The following DZIP3 variants were observed in gnomAD, a reference collection of about 807,000 sequenced individuals.
The protein encoded by DZIP3 is DAZ interacting zinc finger protein 3, also known as E3 ubiquitin-protein ligase DZIP3.
In DZIP3, 118 loss-of-function variants were observed where a neutral mutation model predicts 162.0. The observed-to-expected ratio is 0.73, with a 90% CI of 0.63 to 0.85. The LOEUF (loss-of-function observed/expected upper bound fraction) is 0.85, where lower values mean the gene tolerates loss of function less well. DZIP3 is among the 40% of genes least tolerant of loss of function. The pLI, the probability that DZIP3 is intolerant of heterozygous loss-of-function variation, is 0.00. For synonymous variants in DZIP3, 438 were observed against 458.6 expected (o/e 0.96, Z 0.57); for missense variants, 1,331 against 1,407.0 (o/e 0.95, Z 0.86).
Position 108,605,427 on chromosome 3 carries a change from A to T in DZIP3, c.21A>T (p.Glu7Asp), listed in dbSNP as rs746539421. The T allele has an allele frequency of 6.2e-7, 1 of 1,613,324 alleles. No individual in the cohort carries two copies. Among genetic ancestry groups the T allele is most frequent in the South Asian group, 1.1e-5 (1 of 91,014 alleles). Reference sequence around the variant, plus strand: ...GCAGCATGGATTCTCTACCAGATGAATTTTTTGTGAGGTAAGGCCACAGTC... The same window carrying T: ...GCAGCATGGATTCTCTACCAGATGATTTTTTTGTGAGGTAAGGCCACAGTC... The part of the protein sequence containing the change: MDSLPD[E>D]FFVRHPAVED... Residue 7 changes from glutamate to aspartate, a missense_variant, in exon 2 of 33, where the codon GAA (glutamate) becomes GAT (aspartate). Physicochemically the swap from Glu to Asp is conservative, Grantham distance 45 (BLOSUM62 2). Coordinates refer to ENST00000361582, the MANE Select transcript of DZIP3 (RefSeq NM_014648.4).
intron 1 of DZIP3, chr3:108,603,054 C>T (rs1398351558): frequency 6.6e-6 from 1 of 152,092 alleles, no homozygotes; most frequent in Non-Finnish European, 1.5e-5. Context: ...GCCTTCTGTC[C>T]TCTCTTATCT....
At chr3:108,639,548 C>G (rs1942296110) in intron 12 of DZIP3, among the ~76,000 whole-genome samples, 1 of 152,164 alleles carries the variant, frequency 6.6e-6, no homozygotes, top group African/African-American at 2.4e-5. Flanking sequence ...ATTACTTCCA[C>G]TTATAGGATT....
At chr3:108,607,956 C>G in intron 2 of DZIP3, 133 bp from the exon 3 acceptor site, 1 of 733,074 alleles carries the variant, frequency 1.4e-6, no homozygotes, top group Non-Finnish European at 2.3e-6. Flanking sequence ...ATGGCACCTA[C>G]CACCATTACC....
chr3:108,660,136 C>T (rs191814384), intron 19 of DZIP3, among the ~76,000 whole-genome samples: 2 of 152,088 alleles, frequency 1.3e-5, no homozygotes, highest in Non-Finnish European at 2.9e-5. Context: ...TGGAAAAAAC[C>T]ACTTTAAAGT....
At chr3:108,688,967 A>T in intron 31 of DZIP3, 43 bp downstream of exon 31, 1 of 1,531,636 alleles carries the variant, frequency 6.5e-7, no homozygotes, top group South Asian at 1.1e-5. Flanking sequence ...AATGAGATTC[A>T]TACTGCCTTA....
intron 21 of DZIP3, among the ~76,000 whole-genome samples, chr3:108,667,397 C>T (rs1943729581): frequency 6.6e-6 from 1 of 152,010 alleles, no homozygotes; most frequent in Non-Finnish European, 1.5e-5. Flanking sequence ...GTTCCAAAAG[C>T]TTATATATGT....
At chr3:108,590,426 GGTTTT>G (rs1191225073) in intron 1 of DZIP3, among the ~76,000 whole-genome samples, 4 of 152,040 alleles carry the variant, frequency 2.6e-5, no homozygotes, top group African/African-American at 4.8e-5. Context: ...TTGGTGTTTT[GGTTTT>G]GTTTTTTATA....
chr3:108,634,565 G>A (rs1487495988), intron 9 of DZIP3, among the ~76,000 whole-genome samples: 2 of 151,846 alleles, frequency 1.3e-5, no homozygotes, highest in East Asian at 3.9e-4. Context: ...AAGATGGGTA[G>A]GTAGCATGTT....
At chr3:108,610,603 A>G (rs1250711781) in intron 3 of DZIP3, among the ~76,000 whole-genome samples, 1 of 152,226 alleles carries the variant, frequency 6.6e-6, no homozygotes, top group East Asian at 1.9e-4. Flanking sequence ...ACAGAGTATA[A>G]GAACTCTGGT....
chr3:108,602,229 C>T (rs74781573), intron 1 of DZIP3, among the ~76,000 whole-genome samples: 115 of 152,036 alleles, frequency 7.6e-4, no homozygotes, highest in Non-Finnish European at 1.1e-3. Flanking sequence ...CCTGCTTTGA[C>T]GTGAATAAAC....
intron 1 of DZIP3, among the ~76,000 whole-genome samples, chr3:108,591,301 TGTAAA>T (rs1018233614): frequency 3.9e-5 from 6 of 152,210 alleles, no homozygotes; most frequent in Non-Finnish European, 8.8e-5. Flanking sequence ...AATGAATTAA[TGTAAA>T]GTGTCAGCTG....
At chr3:108,605,561 A>C (rs1940303019) in intron 2 of DZIP3, 123 bp downstream of exon 2, 3 of 944,910 alleles carry the variant, frequency 3.2e-6, no homozygotes, top group African/African-American at 1.7e-5. Flanking sequence ...TCAGATCATC[A>C]GGCATTAGAT....
chr3:108,626,528 G>A (rs114615462), intron 7 of DZIP3, among the ~76,000 whole-genome samples: 1,614 of 152,256 alleles, frequency 0.011, 18 homozygotes, highest in Non-Finnish European at 0.014. Flanking sequence ...TTAAGAAAGT[G>A]AAATTGTATG....
At chr3:108,668,303 T>C (rs1458798877) in intron 21 of DZIP3, among the ~76,000 whole-genome samples, 3 of 152,116 alleles carry the variant, frequency 2.0e-5, no homozygotes, top group Non-Finnish European at 2.9e-5. Context: ...TTGAGAACTT[T>C]AGATTTTTTA....
chr3:108,611,069 G>C (rs1940678058), intron 3 of DZIP3, 105 bp from the exon 4 acceptor site: 3 of 1,122,110 alleles, frequency 2.7e-6, no homozygotes, highest in South Asian at 3.4e-5. Flanking sequence ...GGAGAACAAG[G>C]GAAAATGAGC....
intron 21 of DZIP3, among the ~76,000 whole-genome samples, chr3:108,668,635 T>G (rs1001655498): frequency 1.3e-5 from 2 of 152,008 alleles, no homozygotes; most frequent in African/African-American, 4.8e-5. Context: ...TAATGAAGCT[T>G]GTATTTCTTA....
chr3:108,685,983 G>A (rs1425218222), intron 27 of DZIP3, among the ~76,000 whole-genome samples: 1 of 151,932 alleles, frequency 6.6e-6, no homozygotes, highest in Non-Finnish European at 1.5e-5. Flanking sequence ...CTTATGCCCA[G>A]ACATACAGTT....
At chr3:108,660,793 A>AG (rs1943386097) in intron 19 of DZIP3, among the ~76,000 whole-genome samples, 1 of 2,010 alleles carries the variant, frequency 5.0e-4, no homozygotes, top group African/African-American at 8.9e-4. Flanking sequence ...AATTTACAAG[A>AG]AAAAAACAAC....
At chr3:108,646,761 G>T in intron 15 of DZIP3, 112 bp downstream of exon 15, 1 of 840,178 alleles carries the variant, frequency 1.2e-6, no homozygotes, top group Non-Finnish European at 1.8e-6. Flanking sequence ...GAAGAACTTG[G>T]GCCAGGCGCA....
Sources: gnomAD v4.1 joint callset for allele counts (sites outside exome capture counted in the v4.1 genomes callset) on GRCh38, gnomAD v4.1.1 for gene constraint, MANE v1.5 for transcripts, NCBI Gene and HGNC (gene_info 2026-07-23, HGNC 2026-07-21) for gene names.